Variants in PDE12 observed in about 807,000 individuals in gnomAD.
The protein encoded by PDE12 is 2',5'-phosphodiesterase 12.
A neutral mutation model predicts 45.4 loss-of-function variants in PDE12; 26 were observed. The ratio of observed to expected loss-of-function variants is 0.57; its 90% CI spans 0.42 to 0.79. The LOEUF (loss-of-function observed/expected upper bound fraction) is 0.79. Among genes scored for constraint, PDE12 ranks in the 30% least tolerant of loss-of-function variants. PDE12 has a pLI of 0.00. For missense variants in PDE12, 668 were observed against 790.0 expected (o/e 0.85, Z 1.85); for synonymous variants, 283 against 323.9 (o/e 0.87, Z 1.36).
the PDE12 span, chr3:57,627,222 C>G: frequency 6.6e-6 from 1 of 152,238 alleles, no homozygotes; most frequent in African/African-American, 2.4e-5. Flanking sequence ...CAGCTCACTG[C>G]AACCTCCGCC....
At chr3:57,570,276 A>G (rs112632654), downstream of PDE12, among the ~76,000 whole-genome samples, 1,546 of 118,752 alleles carry the variant, frequency 0.013, 22 homozygotes, top group Middle Eastern at 0.045. Flanking sequence ...CAGTGGCGCT[A>G]TGTTGGCTCA....
At chr3:57,628,011 G>A in the PDE12 span, 1 of 603,324 alleles carries the variant, frequency 1.7e-6, no homozygotes, top group East Asian at 3.3e-5. Context: ...CAGTATTAAA[G>A]TGGAACCACC....
At chr3:57,649,626 G>A in the PDE12 span, among the ~76,000 whole-genome samples, 1 of 98,806 alleles carries the variant, frequency 1.0e-5, no homozygotes. Flanking sequence ...ATCAATCAAT[G>A]AGTGAAAAAA....
At chr3:57,599,849 ACT>A in the PDE12 span, among the ~76,000 whole-genome samples, 3 of 138,034 alleles carry the variant, frequency 2.2e-5, no homozygotes, top group Admixed American at 1.5e-4. Flanking sequence ...TGGTATTTAC[ACT>A]CTTTTTTTTT....
the PDE12 span, chr3:57,600,050 T>A: frequency 6.6e-6 from 1 of 151,948 alleles, no homozygotes; most frequent in Non-Finnish European, 1.5e-5. Flanking sequence ...ATTTATTTAT[T>A]TGAGACAGGG....
chr3:57,603,925 A>G, the PDE12 span, among the ~76,000 whole-genome samples: 1 of 147,374 alleles, frequency 6.8e-6, no homozygotes, highest in Non-Finnish European at 1.5e-5. Flanking sequence ...CCCAGCCCAG[A>G]ATTTTTTTTT....
At chr3:57,614,754 A>C in the PDE12 span, among the ~76,000 whole-genome samples, 1 of 151,102 alleles carries the variant, frequency 6.6e-6, no homozygotes, top group Non-Finnish European at 1.5e-5. Context: ...AGGCGGGTGT[A>C]ATCATTTTTT....
downstream of PDE12, among the ~76,000 whole-genome samples, chr3:57,570,500 G>C (rs1193369725): frequency 6.6e-6 from 1 of 151,454 alleles, no homozygotes; most frequent in Non-Finnish European, 1.5e-5. Context: ...TTACAGGTGT[G>C]AGCCACCACG....
At chr3:57,621,732 A>T in the PDE12 span, among the ~76,000 whole-genome samples, 1 of 152,176 alleles carries the variant, frequency 6.6e-6, no homozygotes, top group Non-Finnish European at 1.5e-5. Flanking sequence ...CACAACACTT[A>T]AAAGAACAAA....
the PDE12 span, chr3:57,628,361 T>G: frequency 8.1e-6 from 13 of 1,610,196 alleles, no homozygotes; most frequent in African/African-American, 1.3e-5. Context: ...TAAGGAACAT[T>G]TCATAACATT....
the PDE12 span, among the ~76,000 whole-genome samples, chr3:57,580,056 G>C: frequency 6.6e-6 from 1 of 152,136 alleles, no homozygotes; most frequent in Non-Finnish European, 1.5e-5. Context: ...AGTGAGCCAT[G>C]ATCATGCCAC....
chr3:57,558,337 T>G (rs1467271998), intron 1 of PDE12, among the ~76,000 whole-genome samples: 2 of 152,226 alleles, frequency 1.3e-5, no homozygotes, highest in African/African-American at 4.8e-5. Flanking sequence ...AGCATCTTTT[T>G]GCAGGTCACA....
chr3:57,567,763 C>A (rs565021276), downstream of PDE12, among the ~76,000 whole-genome samples: 1 of 152,006 alleles, frequency 6.6e-6, no homozygotes, highest in Non-Finnish European at 1.5e-5. Flanking sequence ...TACAAGCTAC[C>A]AGAAGGTACA....
chr3:57,574,915 C>T, the PDE12 span, among the ~76,000 whole-genome samples: 1 of 150,722 alleles, frequency 6.6e-6, no homozygotes, highest in East Asian at 2.0e-4. Context: ...GTGGCGCGAT[C>T]GCGACTCACC....
chr3:57,560,560 A>G lies in PDE12; in HGVS notation c.*556A>G. ...AGGCTGGTCTTGAACTCCTGACCTC[A>G]GGTGATCCACCCACCTCGGCCTCCC... On this transcript the variant is annotated 3_prime_UTR_variant, in exon 3 of 3. Transcript: ENST00000311180. 1.4e-6 allele frequency: 1 copy of G among 699,238 alleles called. No homozygotes were observed. The highest frequency in any genetic ancestry group is 1.8e-6 in the Non-Finnish European group (1 of 569,046). 43.3% of individuals were successfully genotyped at this position (699,238 alleles called of 1,614,324 possible).
the PDE12 span, among the ~76,000 whole-genome samples, chr3:57,622,694 A>G: frequency 6.6e-6 from 1 of 152,224 alleles, no homozygotes; most frequent in Admixed American, 6.5e-5. Flanking sequence ...ATGTCTATCA[A>G]CAGGTAAGTG....
chr3:57,626,542 T>G, the PDE12 span: 5 of 152,064 alleles, frequency 3.3e-5, no homozygotes, highest in Non-Finnish European at 7.3e-5. Flanking sequence ...AAACCCCATC[T>G]CTACTAAAAA....
the PDE12 span, among the ~76,000 whole-genome samples, chr3:57,629,670 C>A: frequency 6.6e-6 from 1 of 150,530 alleles, no homozygotes; most frequent in African/African-American, 2.5e-5. Context: ...TGCCACCACG[C>A]CCGGCTAATT....
Position 57,561,859 on chromosome 3 carries a change from C to A in PDE12, c.*1855C>A. On this transcript the variant is annotated 3_prime_UTR_variant, in exon 3 of 3. Coordinates refer to ENST00000311180, the MANE Select transcript of PDE12 (RefSeq NM_177966.7). ...GGTTTTATCTGCATTTGACATTGAA[C>A]CTTGAAGTACTTTAAGTACTCCAAG... 1.0e-6 allele frequency: 1 copy of A among 985,184 alleles called. No homozygotes were observed. The highest frequency in any genetic ancestry group is 1.7e-5 in the African/African-American group (1 of 57,320). 61.0% of individuals were successfully genotyped at this position (985,184 alleles called of 1,614,324 possible).
Sources: gnomAD v4.1 joint callset for allele counts (sites outside exome capture counted in the v4.1 genomes callset) on GRCh38, gnomAD v4.1.1 for gene constraint, MANE v1.5 for transcripts, NCBI Gene and HGNC (gene_info 2026-07-23, HGNC 2026-07-21) for gene names.